The following CDK14 variants were observed in gnomAD, a reference collection of about 807,000 sequenced individuals.
The protein encoded by CDK14 is cyclin dependent kinase 14, also known as cyclin-dependent kinase 14.
CDK14 carries 34 observed loss-of-function variants against 60.7 expected under a neutral mutation model. The observed-to-expected ratio is 0.56, with a 90% confidence interval of 0.43 to 0.75. CDK14 has a LOEUF of 0.75. Ranked by LOEUF, CDK14 falls within the 30% of genes least tolerant of loss-of-function variation. CDK14 has a pLI of 0.00. For missense variants in CDK14, 482 were observed against 564.1 expected (o/e 0.85, Z 1.47); for synonymous variants, 197 against 203.7 (o/e 0.97, Z 0.28).
intron 14 of CDK14, among the ~76,000 whole-genome samples, chr7:91,191,764 A>G (rs1353605419): frequency 6.6e-6 from 1 of 152,006 alleles, no homozygotes; most frequent in Non-Finnish European, 1.5e-5. Context: ...GTGGTCAGAA[A>G]ATGTATGTAT....
chr7:91,095,517 G>A (rs926083654), intron 12 of CDK14, among the ~76,000 whole-genome samples: 4 of 152,240 alleles, frequency 2.6e-5, no homozygotes, highest in East Asian at 1.9e-4. Context: ...AGTAAAAACC[G>A]AGTTGCCCCA....
chr7:90,958,874 G>T (rs949249947), intron 9 of CDK14, among the ~76,000 whole-genome samples: 1 of 152,082 alleles, frequency 6.6e-6, no homozygotes, highest in Non-Finnish European at 1.5e-5. Flanking sequence ...TGGTAGTTCA[G>T]TTAAGATTCT....
At chr7:90,736,617 A>G (rs973170130) in intron 3 of CDK14, among the ~76,000 whole-genome samples, 2 of 152,014 alleles carry the variant, frequency 1.3e-5, no homozygotes, top group East Asian at 3.9e-4. Flanking sequence ...AAGGGTCACC[A>G]TGATTTATGT....
At chr7:90,632,729 A>G (rs1334726090) in intron 2 of CDK14, among the ~76,000 whole-genome samples, 1 of 152,188 alleles carries the variant, frequency 6.6e-6, no homozygotes, top group Non-Finnish European at 1.5e-5. Context: ...ATTAGTTTTT[A>G]TACTTTTTAT....
chr7:90,874,807 C>T (rs1324752923), intron 6 of CDK14, among the ~76,000 whole-genome samples: 1 of 151,902 alleles, frequency 6.6e-6, no homozygotes, highest in Non-Finnish European at 1.5e-5. Flanking sequence ...GGATTACAGG[C>T]GTGAGCCACC....
intron 2 of CDK14, among the ~76,000 whole-genome samples, chr7:90,619,192 G>C (rs978492617): frequency 2.0e-5 from 3 of 152,094 alleles, no homozygotes; most frequent in Admixed American, 6.5e-5. Context: ...CGTTTATCTT[G>C]AGGGTAAAGG....
intron 5 of CDK14, among the ~76,000 whole-genome samples, chr7:90,857,065 A>G (rs1790843863): frequency 6.6e-6 from 1 of 152,038 alleles, no homozygotes; most frequent in Non-Finnish European, 1.5e-5. Context: ...GATCTAGAAA[A>G]TTATCTCAAA....
intron 6 of CDK14, among the ~76,000 whole-genome samples, chr7:90,866,753 G>A (rs1383444930): frequency 6.6e-6 from 1 of 152,126 alleles, no homozygotes; most frequent in Non-Finnish European, 1.5e-5. Flanking sequence ...AAAGCCTTCT[G>A]AAGGCCAGAA....
At chr7:90,877,615 T>C (rs1485480133) in intron 6 of CDK14, among the ~76,000 whole-genome samples, 1 of 152,154 alleles carries the variant, frequency 6.6e-6, no homozygotes, top group Non-Finnish European at 1.5e-5. Flanking sequence ...TTTATTACCC[T>C]TTTTACTTGG....
intron 10 of CDK14, among the ~76,000 whole-genome samples, chr7:90,987,532 G>T (rs994681800): frequency 1.3e-5 from 2 of 152,080 alleles, no homozygotes; most frequent in Admixed American, 6.6e-5. Flanking sequence ...ATTAGACAAA[G>T]CCAGATAAAG....
At chr7:91,028,299 C>A (rs994225086) in intron 10 of CDK14, among the ~76,000 whole-genome samples, 2 of 151,874 alleles carry the variant, frequency 1.3e-5, no homozygotes, top group Admixed American at 1.3e-4. Flanking sequence ...CACACACACC[C>A]CCCACATTTT....
At chr7:91,044,985 C>T (rs1368775613) in intron 10 of CDK14, among the ~76,000 whole-genome samples, 1 of 152,168 alleles carries the variant, frequency 6.6e-6, no homozygotes, top group African/African-American at 2.4e-5. Flanking sequence ...TGTTAACACC[C>T]TCCAGTTTAC....
chr7:91,129,060 A>G lies in CDK14; in HGVS notation c.*28+10852A>G, dbSNP rs112984576. ...CTGGATACTAAAGAAAAGAAATGAT[A>G]GTTTTATCATCGTCTTTTATGTCAG... is the stretch of plus-strand genomic sequence containing the variant. On this transcript the variant is annotated intron_variant, in intron 14 of 14. Coordinates refer to ENST00000380050, the MANE Select transcript of CDK14 (RefSeq NM_001287135.2). Among the ~76,000 whole-genome samples the G allele has an allele frequency of 3.6e-3, 548 of 152,312 alleles. 4 individuals carry two copies. The highest frequency in any genetic ancestry group is 0.011 in the African/African-American group (478 of 41,574).
At chr7:90,824,331 A>T (rs1789648629) in intron 5 of CDK14, among the ~76,000 whole-genome samples, 1 of 152,204 alleles carries the variant, frequency 6.6e-6, no homozygotes, top group African/African-American at 2.4e-5. Context: ...CTTACCCAGA[A>T]TCACACAGTT....
chr7:90,932,223 G>A (rs571656639), intron 8 of CDK14, among the ~76,000 whole-genome samples: 8 of 152,122 alleles, frequency 5.3e-5, no homozygotes, highest in Non-Finnish European at 1.2e-4. Flanking sequence ...TGTGGTCTGC[G>A]GCTGGGAGCA....
At chr7:90,973,716 A>C (rs1794990978) in intron 9 of CDK14, among the ~76,000 whole-genome samples, 1 of 78,174 alleles carries the variant, frequency 1.3e-5, no homozygotes, top group Non-Finnish European at 2.8e-5. Flanking sequence ...CTCGAGCCGC[A>C]AAACCAGCAA....
chr7:90,685,347 C>G (rs1266144850), intron 2 of CDK14, among the ~76,000 whole-genome samples: 1 of 152,072 alleles, frequency 6.6e-6, no homozygotes, highest in African/African-American at 2.4e-5. Flanking sequence ...GTACCACCCT[C>G]TTTTATTTAC....
intron 8 of CDK14, among the ~76,000 whole-genome samples, chr7:90,950,886 C>T (rs1794237469): frequency 6.6e-6 from 1 of 152,060 alleles, no homozygotes; most frequent in African/African-American, 2.4e-5. Flanking sequence ...GCTAGAACAC[C>T]ATAAGAAAAT....
At chr7:91,121,692 G>A (rs567056477) in intron 14 of CDK14, among the ~76,000 whole-genome samples, 23 of 152,124 alleles carry the variant, frequency 1.5e-4, no homozygotes, top group Non-Finnish European at 2.6e-4. Context: ...AATGGGATAG[G>A]TGCCACTGGA....
Sources: gnomAD v4.1 joint callset for allele counts (sites outside exome capture counted in the v4.1 genomes callset) on GRCh38, gnomAD v4.1.1 for gene constraint, MANE v1.5 for transcripts, NCBI Gene and HGNC (gene_info 2026-07-23, HGNC 2026-07-21) for gene names.